The following TVP23A variants were observed in gnomAD, a reference collection of about 807,000 sequenced individuals.
The protein encoded by TVP23A is Golgi apparatus membrane protein TVP23 homolog A.
TVP23A carries 21 observed loss-of-function variants against 31.7 expected under a neutral mutation model. That is an observed-to-expected ratio of 0.66 (90% CI 0.47 to 0.95). TVP23A has a LOEUF of 0.95. TVP23A is among the 40% of genes least tolerant of loss of function. The pLI, the probability that TVP23A is intolerant of heterozygous loss-of-function variation, is 0.00. For synonymous variants in TVP23A, 104 were observed against 96.0 expected (o/e 1.08, Z -0.49); for missense variants, 279 against 255.6 (o/e 1.09, Z -0.62).
chr16:10,792,520 T>C (rs2033161418), intron 2 of TVP23A, among the ~76,000 whole-genome samples: 1 of 152,190 alleles, frequency 6.6e-6, no homozygotes, highest in South Asian at 2.1e-4. Flanking sequence ...GTCTCCCGAG[T>C]GATTCTTCTG....
Position 10,773,352 on chromosome 16 carries a change from A to G in TVP23A, c.414T>C (p.Phe138=). The G allele has an allele frequency of 6.2e-7, 1 of 1,610,464 alleles. No individual in the cohort carries two copies. The highest frequency in any genetic ancestry group is 8.5e-7 in the Non-Finnish European group (1 of 1,179,150). Reference sequence around the variant, plus strand: ...TCAAGGAAAATAAGGTGCTAAAAAAAAACACAATCCATATCATGGGGCAGA... The same window carrying G: ...TCAAGGAAAATAAGGTGCTAAAAAAGAACACAATCCATATCATGGGGCAGA... ...LIICPMIWIV[F]FFSTLFSLKL... is the part of the protein sequence containing the mutation. The change falls in exon 5 of 8, where the codon TTT becomes TTC. Residue 138 remains phenylalanine (F), a synonymous_variant. Coordinates refer to ENST00000299866, the MANE Select transcript of TVP23A (RefSeq NM_001079512.4).
chr16:10,775,729 G>C (rs975784541), intron 2 of TVP23A, among the ~76,000 whole-genome samples: 3 of 149,084 alleles, frequency 2.0e-5, no homozygotes, highest in Non-Finnish European at 3.0e-5. Flanking sequence ...TGCTCATCCT[G>C]TGTAAATTGC....
At chr16:10,794,294 G>A (rs1279092298) in intron 2 of TVP23A, among the ~76,000 whole-genome samples, 1 of 151,844 alleles carries the variant, frequency 6.6e-6, no homozygotes, top group Non-Finnish European at 1.5e-5. Context: ...TGCTTGTCTT[G>A]TAGCCACATC....
intron 2 of TVP23A, among the ~76,000 whole-genome samples, chr16:10,796,009 C>G (rs960905880): frequency 1.3e-5 from 2 of 152,048 alleles, no homozygotes; most frequent in African/African-American, 4.8e-5. Flanking sequence ...AACCAGCAAG[C>G]CTCACAGAAC....
intron 3 of TVP23A, 40 bp downstream of exon 3, chr16:10,774,912 C>A: frequency 1.3e-6 from 2 of 1,577,188 alleles, no homozygotes; most frequent in South Asian, 1.1e-5. Flanking sequence ...GGACAAGCCT[C>A]GTGTTTCGGA....
At chr16:10,759,185 C>A (rs937909158), downstream of TVP23A, among the ~76,000 whole-genome samples, 1 of 152,214 alleles carries the variant, frequency 6.6e-6, no homozygotes, top group African/African-American at 2.4e-5. The surrounding 1 kb of genome is among the most constrained non-coding windows in gnomAD (Gnocchi z 4.7). Flanking sequence ...AGTAAAAAGG[C>A]CTGGCTCTCC....
chr16:10,760,474 A>C (rs913700940), downstream of TVP23A, among the ~76,000 whole-genome samples: 2 of 152,264 alleles, frequency 1.3e-5, no homozygotes, highest in Non-Finnish European at 2.9e-5. Context: ...AGATAGGCAC[A>C]GTGGCTCACG....
intron 2 of TVP23A, among the ~76,000 whole-genome samples, chr16:10,809,730 T>C (rs1023130950): frequency 6.6e-6 from 1 of 152,100 alleles, no homozygotes; most frequent in African/African-American, 2.4e-5. Flanking sequence ...TAGGGAGTGG[T>C]AGAATCAAGA....
At chr16:10,761,908 C>CCCGTGCCTGTG, downstream of TVP23A, 1 of 1,458,138 alleles carries the variant, frequency 6.9e-7, no homozygotes, top group Non-Finnish European at 9.6e-7. Context: ...GTCAGCCCCA[C>CCCGTGCCTGTG]AGGCACGGGT....
chr16:10,786,643 T>G (rs770256172), intron 2 of TVP23A, among the ~76,000 whole-genome samples: 1 of 152,076 alleles, frequency 6.6e-6, no homozygotes, highest in Non-Finnish European at 1.5e-5. Flanking sequence ...TGTCTAGAAT[T>G]TGCTTAAAAA....
In TVP23A at chr16:10,818,223, C is replaced by A. The variant is rs1211821977; in HGVS notation, c.10-41G>T. 2.0e-6 allele frequency: 3 copies of A among 1,527,160 alleles called. No individual in the cohort carries two copies. The highest frequency in any genetic ancestry group is 1.8e-6 in the Non-Finnish European group (2 of 1,122,032). The allele number at this position is 1,527,160 out of a possible 1,614,324, so 94.6% of individuals were successfully genotyped here. On this transcript the variant is annotated intron_variant, in intron 1 of 7. Coordinates refer to ENST00000299866, the MANE Select transcript of TVP23A (RefSeq NM_001079512.4). This position sits in a 1 kb window ranked among gnomAD's most constrained non-coding sequence, Gnocchi z 4.7. ...GGGCAGGTGGCAGGCCCAAGCACGG[C>A]GCACACCCCAACCCCACCCGCCCTG...
chr16:10,795,504 GCCT>G (rs2033339919), intron 2 of TVP23A, among the ~76,000 whole-genome samples: 1 of 152,072 alleles, frequency 6.6e-6, no homozygotes, highest in South Asian at 2.1e-4. Flanking sequence ...GCCTGCCTTG[GCCT>G]CCTCAAGTGC....
intron 2 of TVP23A, 93 bp from the exon 3 acceptor site, chr16:10,775,189 A>G (rs961624483): frequency 3.3e-6 from 5 of 1,498,486 alleles, no homozygotes; most frequent in African/African-American, 2.8e-5. Context: ...TGGGGGTGTT[A>G]GCGTGGCTCA....
chr16:10,763,797 C>T (rs914166848), downstream of TVP23A: 2 of 156,598 alleles, frequency 1.3e-5, no homozygotes, highest in Non-Finnish European at 2.8e-5. Flanking sequence ...GAGCGTTAGC[C>T]CACGATGAAG....
chr16:10,767,953 G>A lies in TVP23A; in HGVS notation c.*1149C>T. ...TCCGTTTGTTTCTTTTTTAAGGTAA[G>A]AATTGTGACAAAGGCCAGTCTTTTT... is the stretch of plus-strand genomic sequence containing the variant. On this transcript the variant is annotated 3_prime_UTR_variant, in exon 8 of 8. Coordinates refer to ENST00000299866, the MANE Select transcript of TVP23A (RefSeq NM_001079512.4). The surrounding 1 kb of genome is among the most constrained non-coding windows in gnomAD (Gnocchi z 4.6). 1 of 1,614,098 alleles carries A rather than the reference G, an allele frequency of 6.2e-7. No individual in the cohort carries two copies. The highest frequency in any genetic ancestry group is 8.5e-7 in the Non-Finnish European group (1 of 1,179,994).
At chr16:10,791,496 G>T (rs2033100969) in intron 2 of TVP23A, among the ~76,000 whole-genome samples, 1 of 152,310 alleles carries the variant, frequency 6.6e-6, no homozygotes, top group East Asian at 1.9e-4. Flanking sequence ...AAGCAAGCTG[G>T]AAGCTTCCAG....
chr16:10,797,132 T>C (rs567485844), intron 2 of TVP23A, among the ~76,000 whole-genome samples: 3 of 151,118 alleles, frequency 2.0e-5, no homozygotes, highest in Admixed American at 1.3e-4. Flanking sequence ...GAGGCTATAA[T>C]GAGCCCTGAT....
chr16:10,793,553 C>T (rs574738998), intron 2 of TVP23A, among the ~76,000 whole-genome samples: 9 of 152,184 alleles, frequency 5.9e-5, no homozygotes, highest in Admixed American at 5.2e-4. Context: ...TGGCCCATTT[C>T]GTGCTGCTGT....
chr16:10,757,979 C>G, downstream of TVP23A: 1 of 1,614,124 alleles, frequency 6.2e-7, no homozygotes, highest in Non-Finnish European at 8.5e-7. The surrounding 1 kb of genome is among the most constrained non-coding windows in gnomAD (Gnocchi z 4.1). Flanking sequence ...TCGTCCGGTA[C>G]CTGGCCACAG....
Sources: allele counts gnomAD v4.1 joint callset (sites outside exome capture counted in the v4.1 genomes callset), GRCh38; gene constraint gnomAD v4.1.1; non-coding constraint Gnocchi (gnomAD v3.1); transcripts MANE v1.5; gene names NCBI Gene and HGNC (gene_info 2026-07-23, HGNC 2026-07-21).